OXR1: variants seen among roughly 807,000 people sequenced by gnomAD.
The protein encoded by OXR1 is oxidation resistance protein 1.
In OXR1, 41 loss-of-function variants were observed where a neutral mutation model predicts 104.6. The ratio of observed to expected loss-of-function variants is 0.39; its 90% CI spans 0.31 to 0.51. OXR1 has a LOEUF of 0.51. Among genes scored for constraint, OXR1 ranks in the 20% least tolerant of loss-of-function variants. The pLI is 0.77. For missense variants in OXR1, 955 were observed against 1,031.9 expected, an observed-to-expected ratio of 0.93 and a Z score of 1.02; for synonymous variants, 348 against 348.4, an observed-to-expected ratio of 1.00 and a Z score of 0.01.
At chr8:106,323,780 T>C (rs546732391) in intron 1 of OXR1, among the ~76,000 whole-genome samples, 20 of 152,040 alleles carry the variant, frequency 1.3e-4, no homozygotes, top group Non-Finnish European at 2.9e-4. Flanking sequence ...CACTGACCAT[T>C]AGAGAAATGC....
chr8:106,721,115 T>C (rs1832786712), intron 11 of OXR1, among the ~76,000 whole-genome samples: 1 of 151,982 alleles, frequency 6.6e-6, no homozygotes, highest in Admixed American at 6.5e-5. Context: ...TGTCACATGT[T>C]CAGTATGCCA....
chr8:106,323,315 G>A (rs1814308414), intron 1 of OXR1, among the ~76,000 whole-genome samples: 2 of 152,072 alleles, frequency 1.3e-5, no homozygotes, highest in South Asian at 2.1e-4. Context: ...AATGGTGCTG[G>A]GATAACTGGC....
In OXR1 at chr8:106,570,354, A is replaced by T. The variant is rs1007124910; in HGVS notation, c.220+51215A>T. ...GCCGTATTGCATAGAGCTCAATTTG[A>T]TATGATCAAATGATGATTACCAAGA... is the stretch of plus-strand genomic sequence containing the variant. On this transcript the variant is annotated intron_variant, in intron 3 of 16. Coordinates refer to ENST00000517566, the MANE Select transcript of OXR1 (RefSeq NM_001198533.2). 4.6e-4 allele frequency among the ~76,000 whole-genome samples: 70 copies of T among 152,166 alleles called. 1 individual carries two copies. The highest frequency in any genetic ancestry group is 7.1e-4 in the Non-Finnish European group (48 of 68,036).
intron 3 of OXR1, among the ~76,000 whole-genome samples, chr8:106,520,764 C>T (rs771246984): frequency 2.0e-5 from 3 of 152,212 alleles, no homozygotes; most frequent in Non-Finnish European, 2.9e-5. Flanking sequence ...ACATGTCTGT[C>T]GCCTTCTATT....
chr8:106,550,374 G>A (rs907315043), intron 3 of OXR1, among the ~76,000 whole-genome samples: 1 of 152,160 alleles, frequency 6.6e-6, no homozygotes, highest in African/African-American at 2.4e-5. Flanking sequence ...TGCATGGCAG[G>A]GGAGGCCTCA....
intron 2 of OXR1, among the ~76,000 whole-genome samples, chr8:106,391,319 A>T (rs1817579237): frequency 6.6e-6 from 1 of 152,334 alleles, no homozygotes; most frequent in South Asian, 2.1e-4. Flanking sequence ...TAATTCAGCC[A>T]GGGTTAATAT....
chr8:106,713,017 A>G (rs1181996190), intron 10 of OXR1, among the ~76,000 whole-genome samples: 1 of 152,006 alleles, frequency 6.6e-6, no homozygotes, highest in Non-Finnish European at 1.5e-5. Flanking sequence ...CTGCATAGAT[A>G]GTGAGAAATT....
chr8:106,383,750 T>C (rs1253349783), intron 2 of OXR1, among the ~76,000 whole-genome samples: 4 of 152,180 alleles, frequency 2.6e-5, no homozygotes, highest in Non-Finnish European at 5.9e-5. Context: ...ATTGACTTTA[T>C]TCTATTTACC....
chr8:106,347,805 G>C (rs1166792483), intron 1 of OXR1, among the ~76,000 whole-genome samples: 1 of 152,066 alleles, frequency 6.6e-6, no homozygotes, highest in African/African-American at 2.4e-5. Context: ...GATTCCCATG[G>C]CTAGAAACTT....
chr8:106,633,440 A>C (rs1363940071), intron 3 of OXR1, among the ~76,000 whole-genome samples: 1 of 152,184 alleles, frequency 6.6e-6, no homozygotes, highest in East Asian at 1.9e-4. Flanking sequence ...GCTCTTTGTC[A>C]ATTTTACCAT....
intron 3 of OXR1, among the ~76,000 whole-genome samples, chr8:106,574,802 G>C (rs894337169): frequency 6.6e-6 from 1 of 152,202 alleles, no homozygotes; most frequent in African/African-American, 2.4e-5. Flanking sequence ...ATGACTTCTA[G>C]ATTCCAGCAT....
At chr8:106,548,650 A>G (rs963661613) in intron 3 of OXR1, among the ~76,000 whole-genome samples, 1 of 152,218 alleles carries the variant, frequency 6.6e-6, no homozygotes, top group Admixed American at 6.5e-5. Flanking sequence ...ATAAGCAGCC[A>G]AAGTAGTTTT....
chr8:106,451,505 A>G (rs1249750920), intron 2 of OXR1, among the ~76,000 whole-genome samples: 15 of 152,194 alleles, frequency 9.9e-5, no homozygotes, highest in Non-Finnish European at 4.4e-5. Context: ...TTCACTTGGA[A>G]GCCAGTTCAG....
chr8:106,699,269 C>T (rs548104327), intron 7 of OXR1, among the ~76,000 whole-genome samples: 3 of 152,122 alleles, frequency 2.0e-5, no homozygotes, highest in South Asian at 2.1e-4. Context: ...CTCTTCTTAT[C>T]GTTGGATAGC....
In OXR1 at chr8:106,565,101, G is replaced by T. The variant is rs761815212; in HGVS notation, c.220+45962G>T. On this transcript the variant is annotated intron_variant, in intron 3 of 16. Coordinates refer to ENST00000517566, the MANE Select transcript of OXR1 (RefSeq NM_001198533.2). ...AAGAATGCCCTCCCTCACCACTCCTGTACAACATAGTATTGGAAATTCTGG... is the reference window on the plus strand; with the variant it reads ...AAGAATGCCCTCCCTCACCACTCCTTTACAACATAGTATTGGAAATTCTGG... Among the ~76,000 whole-genome samples, 5 of 152,036 alleles carry T rather than the reference G, an allele frequency of 3.3e-5. No homozygotes were observed. The South Asian group carries it at 1.0e-3, about 32-fold the overall frequency.
chr8:106,351,442 A>C (rs949981110), intron 1 of OXR1, among the ~76,000 whole-genome samples: 1 of 152,178 alleles, frequency 6.6e-6, no homozygotes, highest in Admixed American at 6.5e-5. Flanking sequence ...AGATGTAATG[A>C]GTTAGAAGTT....
intron 2 of OXR1, among the ~76,000 whole-genome samples, chr8:106,503,069 G>A (rs1317681997): frequency 6.6e-6 from 1 of 151,760 alleles, no homozygotes; most frequent in Non-Finnish European, 1.5e-5. Context: ...TTTCATCTTT[G>A]TGTCTCCAGC....
chr8:106,393,173 A>G (rs1431800888), intron 2 of OXR1, among the ~76,000 whole-genome samples: 1 of 152,106 alleles, frequency 6.6e-6, no homozygotes, highest in African/African-American at 2.4e-5. Context: ...AATTAATCTC[A>G]CAAATGTATG....
At position 106,308,752 on chromosome 8, in the gene OXR1, C is replaced by T. The variant is rs1361616345; in HGVS notation, c.-139+38385C>T. Among the ~76,000 whole-genome samples, 4 of 86,936 alleles carry T rather than the reference C, an allele frequency of 4.6e-5. No individual in the cohort carries two copies. The East Asian group carries it at 1.3e-3, about 29-fold the overall frequency. The allele number at this position is 86,936 out of a possible 152,430, so 57.0% of individuals were successfully genotyped here. On this transcript the variant is annotated intron_variant, in intron 1 of 16. Coordinates refer to ENST00000517566, the MANE Select transcript of OXR1 (RefSeq NM_001198533.2). ...AGAACATTCTCTCTTGCATAAACTA[C>T]TGTGTAGTACTAGAGATCTACACAA...
Sources: gnomAD v4.1 joint callset for allele counts (sites outside exome capture counted in the v4.1 genomes callset) on GRCh38, gnomAD v4.1.1 for gene constraint, MANE v1.5 for transcripts, NCBI Gene and HGNC (gene_info 2026-07-23, HGNC 2026-07-21) for gene names.